Variants in VAT1L observed in about 807,000 individuals in gnomAD.
VAT1L encodes the protein vesicle amine transport 1 like.
VAT1L carries 34 observed loss-of-function variants against 44.1 expected under a neutral mutation model. The ratio of observed to expected loss-of-function variants is 0.77; its 90% confidence interval spans 0.59 to 1.03. The LOEUF (loss-of-function observed/expected upper bound fraction) is 1.03, where lower values mean the gene tolerates loss of function less well. Ranked by LOEUF, VAT1L falls within the 50% of genes least tolerant of loss-of-function variation. VAT1L has a pLI of 0.00. For synonymous variants in VAT1L, 253 were observed against 202.2 expected (o/e 1.25, Z -2.13); for missense variants, 615 against 538.8 (o/e 1.14, Z -1.40).
At chr16:77,835,783 G>A (rs1437234079) in intron 3 of VAT1L, among the ~76,000 whole-genome samples, 14 of 151,826 alleles carry the variant, frequency 9.2e-5, no homozygotes, top group Admixed American at 8.5e-4. Context: ...TGAGGCAAGA[G>A]AATCACTTGA....
At chr16:77,900,447 A>G (rs1185524941) in intron 7 of VAT1L, among the ~76,000 whole-genome samples, 1 of 152,130 alleles carries the variant, frequency 6.6e-6, no homozygotes, top group African/African-American at 2.4e-5. Context: ...TAATCCCAGC[A>G]TTTTGGGAGG....
At chr16:77,947,127 G>C (rs566446333) in intron 7 of VAT1L, among the ~76,000 whole-genome samples, 1 of 152,196 alleles carries the variant, frequency 6.6e-6, no homozygotes, top group African/African-American at 2.4e-5. Context: ...TTTCCCTTCC[G>C]TGCCTCTGCA....
chr16:77,869,673 A>AT (rs1429635464), intron 4 of VAT1L, among the ~76,000 whole-genome samples: 3 of 152,150 alleles, frequency 2.0e-5, no homozygotes, highest in Admixed American at 2.0e-4. Context: ...AGTCTCAATG[A>AT]TTAAAAAAAA....
chr16:77,864,922 C>A lies in VAT1L; in HGVS notation c.722+2032C>A, dbSNP rs1239977943. Among the ~76,000 whole-genome samples the A allele has an allele frequency of 3.3e-5, 5 of 150,112 alleles. No homozygotes were observed. In the East Asian group the frequency reaches 9.9e-4, roughly 30 times the overall value. The stretch of plus-strand genomic sequence containing the variant: ...AGAGGCTGCAGGCTAATTTTGAGGA[C>A]ATCCATTTGCCCAGTTCCATAGCTC... On this transcript the variant is annotated intron_variant, in intron 4 of 8. Transcript: ENST00000302536.
chr16:77,921,506 T>C (rs764105949), intron 7 of VAT1L, among the ~76,000 whole-genome samples: 19 of 152,202 alleles, frequency 1.2e-4, no homozygotes, highest in Non-Finnish European at 2.2e-4. Context: ...ACAGATCCTT[T>C]AATTAGTTAC....
At chr16:77,927,397 CT>C (rs1177978065) in intron 7 of VAT1L, among the ~76,000 whole-genome samples, 2 of 151,754 alleles carry the variant, frequency 1.3e-5, no homozygotes, top group Non-Finnish European at 2.9e-5. Context: ...ACTGTTGTCC[CT>C]ACTTTACAGA....
chr16:77,806,251 C>T (rs761971030), intron 1 of VAT1L, among the ~76,000 whole-genome samples: 1 of 151,960 alleles, frequency 6.6e-6, no homozygotes, highest in South Asian at 2.1e-4. Flanking sequence ...GCTCTGTCAC[C>T]CAGGCTGGAG....
At chr16:77,868,540 G>A (rs1436737952) in intron 4 of VAT1L, among the ~76,000 whole-genome samples, 1 of 152,184 alleles carries the variant, frequency 6.6e-6, no homozygotes, top group Non-Finnish European at 1.5e-5. Flanking sequence ...TTTTCAGAGG[G>A]AGGCAAGGCA....
intron 7 of VAT1L, among the ~76,000 whole-genome samples, chr16:77,970,267 G>A (rs573934960): frequency 6.6e-6 from 1 of 152,118 alleles, no homozygotes; most frequent in East Asian, 1.9e-4. Context: ...ATCACTGCCA[G>A]GTTGTCCAAA....
At chr16:77,953,510 C>T (rs575746495) in intron 7 of VAT1L, among the ~76,000 whole-genome samples, 1 of 152,160 alleles carries the variant, frequency 6.6e-6, no homozygotes, top group Admixed American at 6.6e-5. Context: ...TTTCATTTGA[C>T]AGAACACCTA....
chr16:77,962,209 C>T (rs760907413), intron 7 of VAT1L, among the ~76,000 whole-genome samples: 21 of 152,136 alleles, frequency 1.4e-4, no homozygotes, highest in Non-Finnish European at 2.6e-4. Flanking sequence ...TGTCTCCACC[C>T]CAGAGTCCCA....
intron 3 of VAT1L, among the ~76,000 whole-genome samples, 163 bp from the exon 4 acceptor site, chr16:77,862,585 T>C (rs1436057789): frequency 6.9e-6 from 1 of 145,222 alleles, no homozygotes; most frequent in Non-Finnish European, 1.5e-5. Flanking sequence ...CACTGCACAT[T>C]GCACTCCAGC....
At chr16:77,839,902 G>C (rs549797379) in intron 3 of VAT1L, among the ~76,000 whole-genome samples, 5 of 152,332 alleles carry the variant, frequency 3.3e-5, no homozygotes, top group South Asian at 4.1e-4. Flanking sequence ...TGTCAACCCT[G>C]AATGAGTGTA....
intron 7 of VAT1L, among the ~76,000 whole-genome samples, chr16:77,894,533 C>T (rs1469686612): frequency 1.3e-5 from 2 of 152,058 alleles, no homozygotes; most frequent in East Asian, 1.9e-4. Context: ...AAAGCCAATT[C>T]GTGGTTGCCT....
At chr16:77,977,495 T>C in intron 8 of VAT1L, 102 bp from the exon 9 acceptor site, 2 of 1,187,566 alleles carry the variant, frequency 1.7e-6, no homozygotes, top group Non-Finnish European at 2.4e-6. Context: ...GCAACCCTAG[T>C]TCCTAGCCCC....
At chr16:77,844,361 G>C (rs1180029706) in intron 3 of VAT1L, among the ~76,000 whole-genome samples, 1 of 152,112 alleles carries the variant, frequency 6.6e-6, no homozygotes, top group Admixed American at 6.6e-5. Context: ...AAGTATACAG[G>C]AAGATGGGCA....
chr16:77,973,322 T>C (rs905887643), intron 8 of VAT1L, among the ~76,000 whole-genome samples: 3 of 152,174 alleles, frequency 2.0e-5, no homozygotes, highest in African/African-American at 4.8e-5. Flanking sequence ...TCTCACTTTA[T>C]CACCCAGGCT....
intron 3 of VAT1L, among the ~76,000 whole-genome samples, chr16:77,838,257 G>T (rs1008168310): frequency 6.6e-6 from 1 of 152,132 alleles, no homozygotes; most frequent in African/African-American, 2.4e-5. Flanking sequence ...TACCCAAAAG[G>T]CCACAGTTGC....
At chr16:77,818,443 A>G (rs764550824) in intron 2 of VAT1L, among the ~76,000 whole-genome samples, 1 of 152,202 alleles carries the variant, frequency 6.6e-6, no homozygotes, top group African/African-American at 2.4e-5. Context: ...CCAGGTAAGC[A>G]GTGTAACCAA....
Sources: allele counts gnomAD v4.1 joint callset (sites outside exome capture counted in the v4.1 genomes callset), GRCh38; gene constraint gnomAD v4.1.1; transcripts MANE v1.5; gene names NCBI Gene and HGNC (gene_info 2026-07-23, HGNC 2026-07-21).